The following MCM3 variants were observed in gnomAD, a reference collection of about 807,000 sequenced individuals.
MCM3 encodes DNA replication licensing factor MCM3.
Under a neutral mutation model 91.3 loss-of-function variants are expected in MCM3, and 59 were observed. That is an observed-to-expected ratio of 0.65 (90% CI 0.52 to 0.80). MCM3 has a LOEUF of 0.80. Among genes scored for constraint, MCM3 ranks in the 30% least tolerant of loss-of-function variants. The probability of loss-of-function intolerance (pLI) is 0.00; values close to 1 mark genes in which losing one functional copy is unlikely to be tolerated. For synonymous variants in MCM3, 383 were observed against 379.6 expected (o/e 1.01, Z -0.10); for missense variants, 919 against 1,035.4 (o/e 0.89, Z 1.54).
chr6:52,272,687 T>C (rs1352325231), intron 11 of MCM3, among the ~76,000 whole-genome samples: 1 of 152,240 alleles, frequency 6.6e-6, no homozygotes, highest in Non-Finnish European at 1.5e-5. Flanking sequence ...TTGCTCTATT[T>C]TGTAGGTGGG....
chr6:52,268,121 AG>A (rs1764795431), intron 13 of MCM3, among the ~76,000 whole-genome samples, 153 bp from the exon 14 acceptor site: 1 of 152,340 alleles, frequency 6.6e-6, no homozygotes, highest in East Asian at 1.9e-4. Flanking sequence ...TCCCAGGACC[AG>A]GGGCAGAAGT....
In MCM3 at chr6:52,266,704, ACCC is replaced by A; in HGVS notation, c.2073-11_2073-9del. 6.2e-7 allele frequency: 1 copy of A among 1,610,414 alleles called. No individual in the cohort carries two copies. The highest frequency in any genetic ancestry group is 8.5e-7 in the Non-Finnish European group (1 of 1,176,622). Reference sequence around the variant, plus strand: ...GGCTGGCGAGTCTTCCTTCTAAAATACCCACAGCAGTTAAGAGAGAGAAAGAGT... The same window carrying A: ...GGCTGGCGAGTCTTCCTTCTAAAATAACAGCAGTTAAGAGAGAGAAAGAGT... On this transcript the variant is annotated splice_polypyrimidine_tract_variant and intron_variant, in intron 14 of 16. Coordinates refer to ENST00000596288, the MANE Select transcript of MCM3 (RefSeq NM_002388.6).
intron 9 of MCM3, among the ~76,000 whole-genome samples, chr6:52,275,163 C>T (rs1267051633): frequency 6.6e-6 from 1 of 152,174 alleles, no homozygotes; most frequent in Non-Finnish European, 1.5e-5. Context: ...AGCTCCAACT[C>T]AAGAGATTTT....
intron 7 of MCM3, 25 bp downstream of exon 7, chr6:52,277,510 C>G (rs1237970557): frequency 6.2e-7 from 1 of 1,600,738 alleles, no homozygotes; most frequent in Non-Finnish European, 8.5e-7. Flanking sequence ...GAACAACAGT[C>G]TAAAGCAAAT....
intron 14 of MCM3, 56 bp downstream of exon 14, chr6:52,267,809 C>T (rs1310308889): frequency 9.4e-6 from 7 of 745,282 alleles, no homozygotes; most frequent in Middle Eastern, 2.2e-4. Flanking sequence ...TACAGGCGTG[C>T]ACCCCCAACT....
chr6:52,267,622 G>C (rs1764747129), intron 14 of MCM3, among the ~76,000 whole-genome samples: 1 of 150,350 alleles, frequency 6.7e-6, no homozygotes, highest in South Asian at 2.1e-4. Flanking sequence ...CTGCCTCCCA[G>C]GCTCAAGCAA....
At position 52,264,380 on chromosome 6, in the gene MCM3, C is replaced by T. The variant is rs957520693; in HGVS notation, c.*208G>A. 2 of 563,834 alleles carry T rather than the reference C, an allele frequency of 3.5e-6. No individual in the cohort carries two copies. The highest frequency in any genetic ancestry group is 6.0e-5 in the East Asian group (2 of 33,310). 34.9% of individuals were successfully genotyped at this position (563,834 alleles called of 1,614,324 possible). On this transcript the variant is annotated 3_prime_UTR_variant, in exon 17 of 17. Transcript: ENST00000596288. ...AATAGTCATTGTCCTCTCCCACTGTCTCCTCTTTCCTCACCCCATGGCAGC... is the reference window on the plus strand; with the variant it reads ...AATAGTCATTGTCCTCTCCCACTGTTTCCTCTTTCCTCACCCCATGGCAGC...
chr6:52,282,994 G>A (rs964010221), intron 2 of MCM3, 133 bp from the exon 3 acceptor site: 1 of 673,014 alleles, frequency 1.5e-6, no homozygotes, highest in African/African-American at 1.8e-5. Context: ...ATAAGTCTCA[G>A]TAAAACACCA....
intron 13 of MCM3, 99 bp from the exon 14 acceptor site, chr6:52,268,067 C>T: frequency 1.9e-6 from 3 of 1,551,420 alleles, no homozygotes; most frequent in South Asian, 1.1e-5. Context: ...GCAGGAAAGA[C>T]TTCCATGTTT....
rs372333070 is a variant in MCM3, at chr6:52,269,212, T to C, written c.1842A>G (p.Thr614=). Residue 614 remains threonine (T), a synonymous_variant, in exon 13 of 17, where the codon ACA becomes ACG. Coordinates refer to ENST00000596288, the MANE Select transcript of MCM3 (RefSeq NM_002388.6). ...SSDTARTSPV[T]ARTLETLIRL... Reference sequence around the variant, plus strand: ...GAATCAGAGTTTCCAGTGTTCGGGCTGTAACTGGAGATGTCTAGGGAAGAA... The same window carrying C: ...GAATCAGAGTTTCCAGTGTTCGGGCCGTAACTGGAGATGTCTAGGGAAGAA... 8 of 1,611,122 alleles carry C rather than the reference T, an allele frequency of 5.0e-6. No homozygotes were observed. Among genetic ancestry groups the C allele is most frequent in the Non-Finnish European group, 6.8e-6 (8 of 1,177,700 alleles).
At chr6:52,284,314 G>A (rs1581756604) in intron 1 of MCM3, among the ~76,000 whole-genome samples, 1 of 152,312 alleles carries the variant, frequency 6.6e-6, no homozygotes, top group South Asian at 2.1e-4. Context: ...AGGCCGAGGT[G>A]GGCTTTGCCA....
At chr6:52,277,498 C>G (rs1765683918) in intron 7 of MCM3, 37 bp downstream of exon 7, 1 of 1,583,976 alleles carries the variant, frequency 6.3e-7, no homozygotes, top group African/African-American at 1.4e-5. Flanking sequence ...ACCACTCCAT[C>G]AGAACAACAG....
Position 52,267,091 on chromosome 6 carries a change from ATCT to A in MCM3, c.2073-398_2073-396del, listed in dbSNP as rs1420686375. Among the ~76,000 whole-genome samples, 380 of 87,700 alleles carry A rather than the reference ATCT, an allele frequency of 4.3e-3. 4 individuals carry two copies. The highest frequency in any genetic ancestry group is 0.013 in the African/African-American group (354 of 26,318). The allele number at this position is 87,700 out of a possible 152,430, so 57.5% of individuals were successfully genotyped here. ...GCTCTCCTTCTCTTTTACCCAGGGT[ATCT>A]TCTTTTTTTTTTTTTTTTGAGACGG... On this transcript the variant is annotated intron_variant, in intron 14 of 16. Coordinates refer to ENST00000596288, the MANE Select transcript of MCM3 (RefSeq NM_002388.6).
chr6:52,281,549 G>A (rs1464516343), intron 4 of MCM3, among the ~76,000 whole-genome samples: 1 of 151,996 alleles, frequency 6.6e-6, no homozygotes, highest in Non-Finnish European at 1.5e-5. Flanking sequence ...ACCTGGTGGT[G>A]CATGCCTATA....
Position 52,264,736 on chromosome 6 carries a change from G to C in MCM3, c.2279C>G (p.Ala760Gly). 1 of 1,614,116 alleles carries C rather than the reference G, an allele frequency of 6.2e-7. No individual in the cohort carries two copies. The highest frequency in any genetic ancestry group is 8.5e-7 in the Non-Finnish European group (1 of 1,180,026). ...GAGGCGATTCATGCCGATTGACTGC[G>C]CATGAGCTTCCCGGAACACATCCAA... The part of the protein sequence containing the change: ...ALLDVFREAH[A>G]QSIGMNRLTE... Residue 760 changes from alanine (A) to glycine (G), a missense_variant, in exon 17 of 17, where the codon GCG (alanine) becomes GGG (glycine). By Grantham distance (60) the Ala-to-Gly change is moderately conservative. Transcript: ENST00000596288.
intron 3 of MCM3, among the ~76,000 whole-genome samples, 169 bp from the exon 4 acceptor site, chr6:52,282,344 ACCATAT>A (rs1766179886): frequency 6.6e-6 from 1 of 152,166 alleles, no homozygotes; most frequent in Non-Finnish European, 1.5e-5. Context: ...ATAGACCACC[ACCATAT>A]CCATGTAAAA....
At chr6:52,280,043 A>C (rs2284847) in intron 4 of MCM3, among the ~76,000 whole-genome samples, 8,463 of 152,314 alleles carry the variant, frequency 0.056, 501 homozygotes, top group East Asian at 0.3. Context: ...TGAATACTAT[A>C]CAGCAATAAA....
At chr6:52,277,309 T>C in intron 7 of MCM3, 111 bp from the exon 8 acceptor site, 1 of 1,225,252 alleles carries the variant, frequency 8.2e-7, no homozygotes, top group Non-Finnish European at 1.1e-6. Flanking sequence ...TAAGTGGATT[T>C]TAATATTTTT....
intron 12 of MCM3, among the ~76,000 whole-genome samples, chr6:52,269,893 T>C (rs965071268): frequency 1.3e-5 from 2 of 152,230 alleles, no homozygotes; most frequent in Non-Finnish European, 2.9e-5. Context: ...TCTCAGTGTT[T>C]AGGACTAGAT....
Sources: allele counts gnomAD v4.1 joint callset (sites outside exome capture counted in the v4.1 genomes callset), GRCh38; gene constraint gnomAD v4.1.1; transcripts MANE v1.5; gene names NCBI Gene and HGNC (gene_info 2026-07-23, HGNC 2026-07-21).